ZBTB20: variants seen among roughly 807,000 people sequenced by gnomAD.
ZBTB20 encodes the protein zinc finger and BTB domain containing 20, also known as zinc finger and BTB domain-containing protein 20.
In ZBTB20, 9 loss-of-function variants were observed where a neutral mutation model predicts 56.9. The ratio of observed to expected loss-of-function variants is 0.16; its 90% confidence interval spans 0.10 to 0.28. The LOEUF (loss-of-function observed/expected upper bound fraction) is 0.28. Among genes scored for constraint, ZBTB20 ranks in the 10% least tolerant of loss-of-function variants. ZBTB20 has a pLI of 1.00. For missense variants in ZBTB20, 655 were observed against 1,003.0 expected, an observed-to-expected ratio of 0.65 and a Z score of 4.69; for synonymous variants, 417 against 420.7, an observed-to-expected ratio of 0.99 and a Z score of 0.11.
chr3:115,062,529 T>C (rs1411773784), intron 2 of ZBTB20, among the ~76,000 whole-genome samples: 1 of 152,174 alleles, frequency 6.6e-6, no homozygotes, highest in Admixed American at 6.6e-5. Flanking sequence ...GGATATCTGC[T>C]AAACACTTTT....
At chr3:114,540,074 C>T (rs1161483479) in intron 6 of ZBTB20, among the ~76,000 whole-genome samples, 1 of 152,030 alleles carries the variant, frequency 6.6e-6, no homozygotes, top group Non-Finnish European at 1.5e-5. Context: ...ATACTCCATG[C>T]TCCGAAAGGC....
intron 2 of ZBTB20, among the ~76,000 whole-genome samples, chr3:114,986,617 CT>C (rs2078555616): frequency 6.6e-6 from 1 of 152,094 alleles, no homozygotes; most frequent in African/African-American, 2.4e-5. Context: ...CCCTCAAAAT[CT>C]TTTAGGTCTT....
intron 6 of ZBTB20, among the ~76,000 whole-genome samples, chr3:114,671,799 G>C (rs1294843776): frequency 6.6e-6 from 1 of 152,046 alleles, no homozygotes. Context: ...CATACCTAAG[G>C]AGTACATGCA....
At chr3:114,661,791 T>G (rs2060739840) in intron 6 of ZBTB20, among the ~76,000 whole-genome samples, 1 of 152,136 alleles carries the variant, frequency 6.6e-6, no homozygotes, top group African/African-American at 2.4e-5. Context: ...AAAGAGCAAC[T>G]ATATGAAACG....
chr3:114,854,758 AT>A (rs904346493), intron 4 of ZBTB20, among the ~76,000 whole-genome samples: 2 of 152,052 alleles, frequency 1.3e-5, no homozygotes, highest in African/African-American at 2.4e-5. Flanking sequence ...TTAAAAGTAT[AT>A]TTTGCTTATT....
chr3:115,006,359 G>A (rs796770165), intron 2 of ZBTB20, among the ~76,000 whole-genome samples: 6 of 151,284 alleles, frequency 4.0e-5, no homozygotes, highest in African/African-American at 9.7e-5. Flanking sequence ...CTAGCACTTC[G>A]GGTACTGAAT....
intron 4 of ZBTB20, among the ~76,000 whole-genome samples, chr3:114,897,823 C>G (rs1431938345): frequency 1.3e-5 from 2 of 152,164 alleles, no homozygotes; most frequent in South Asian, 2.1e-4. Context: ...ACCAGTGGTA[C>G]TAAAATTTGA....
intron 7 of ZBTB20, among the ~76,000 whole-genome samples, chr3:114,463,348 A>C (rs1030301501): frequency 6.6e-6 from 1 of 152,210 alleles, no homozygotes; most frequent in Non-Finnish European, 1.5e-5. Context: ...TATGCCTCCA[A>C]GGTTTCCCCC....
chr3:114,687,412 T>C (rs2062408917), intron 6 of ZBTB20: 1 of 151,846 alleles, frequency 6.6e-6, no homozygotes, highest in South Asian at 2.1e-4. Context: ...TTGTCCTTAT[T>C]TGACTGCTAG....
intron 6 of ZBTB20, among the ~76,000 whole-genome samples, chr3:114,566,120 A>G (rs950433282): frequency 6.6e-6 from 1 of 151,192 alleles, no homozygotes; most frequent in African/African-American, 2.4e-5. Flanking sequence ...TTCCTTTCAA[A>G]TTTCAGTCAC....
chr3:114,387,848 C>G (rs939545363), intron 8 of ZBTB20: 1 of 152,210 alleles, frequency 6.6e-6, no homozygotes, highest in Non-Finnish European at 1.5e-5. Context: ...TCCCCAGTAA[C>G]TCAGTCCTAT....
chr3:114,406,659 A>G (rs992290863), intron 7 of ZBTB20, among the ~76,000 whole-genome samples: 2 of 152,072 alleles, frequency 1.3e-5, no homozygotes, highest in African/African-American at 4.8e-5. Flanking sequence ...AAGAATAAAC[A>G]TCCTTCCTTC....
chr3:114,755,752 C>T (rs899555924), intron 5 of ZBTB20, among the ~76,000 whole-genome samples: 4 of 152,092 alleles, frequency 2.6e-5, no homozygotes, highest in Non-Finnish European at 5.9e-5. Flanking sequence ...GAAGGTACTG[C>T]TTCTGCTTCC....
chr3:114,449,130 C>T (rs1033900470), intron 7 of ZBTB20, among the ~76,000 whole-genome samples: 9 of 151,716 alleles, frequency 5.9e-5, no homozygotes, highest in Non-Finnish European at 1.0e-4. Context: ...TTTTAAAGCA[C>T]GAAAAGAAAA....
At chr3:114,480,726 A>C (rs2041440792) in intron 7 of ZBTB20, among the ~76,000 whole-genome samples, 1 of 152,204 alleles carries the variant, frequency 6.6e-6, no homozygotes. Context: ...ACTAAAGCTG[A>C]CACAATACAT....
At chr3:115,138,452 C>T (rs1406738663) in intron 1 of ZBTB20, among the ~76,000 whole-genome samples, 1 of 152,088 alleles carries the variant, frequency 6.6e-6, no homozygotes, top group Non-Finnish European at 1.5e-5. Flanking sequence ...TTGTACCCTT[C>T]TCTAGAACCT....
intron 10 of ZBTB20, among the ~76,000 whole-genome samples, chr3:114,357,627 G>A (rs1446818250): frequency 1.3e-5 from 2 of 152,096 alleles, no homozygotes; most frequent in African/African-American, 2.4e-5. Context: ...TAGGAATAAG[G>A]TCAGTGGCTT....
intron 2 of ZBTB20, among the ~76,000 whole-genome samples, chr3:114,985,343 G>A (rs2078492427): frequency 6.6e-6 from 1 of 152,030 alleles, no homozygotes; most frequent in Non-Finnish European, 1.5e-5. Context: ...ATCCTAGGAT[G>A]AAAAATGCTC....
At chr3:115,123,827 G>T (rs2084249054) in intron 1 of ZBTB20, among the ~76,000 whole-genome samples, 1 of 152,110 alleles carries the variant, frequency 6.6e-6, no homozygotes, top group South Asian at 2.1e-4. Context: ...CGTGGCACTA[G>T]TACAGGACTG....
Sources: gnomAD v4.1 joint callset for allele counts (sites outside exome capture counted in the v4.1 genomes callset) on GRCh38, gnomAD v4.1.1 for gene constraint, MANE v1.5 for transcripts, NCBI Gene and HGNC (gene_info 2026-07-23, HGNC 2026-07-21) for gene names.